Variants in PARD3B observed in about 807,000 individuals in gnomAD.
The protein encoded by PARD3B is par-3 family cell polarity regulator beta.
In PARD3B, 103 loss-of-function variants were observed where a neutral mutation model predicts 130.2. The observed-to-expected ratio is 0.79, with a 90% CI of 0.67 to 0.93. The LOEUF is 0.93. Ranked by LOEUF, PARD3B falls within the 40% of genes least tolerant of loss-of-function variation. The probability of loss-of-function intolerance (pLI) is 0.00; values close to 1 mark genes in which losing one functional copy is unlikely to be tolerated. For synonymous variants in PARD3B, 583 were observed against 553.2 expected, an observed-to-expected ratio of 1.05 and a Z score of -0.76; for missense variants, 1,609 against 1,499.2, an observed-to-expected ratio of 1.07 and a Z score of -1.21.
At chr2:205,381,190 T>C (rs1358812722) in intron 18 of PARD3B, among the ~76,000 whole-genome samples, 1 of 122,870 alleles carries the variant, frequency 8.1e-6, no homozygotes, top group Non-Finnish European at 1.6e-5. Flanking sequence ...ATAAAGAATA[T>C]ATATTATATA....
At chr2:204,839,550 C>G (rs1029157736) in intron 2 of PARD3B, among the ~76,000 whole-genome samples, 6 of 152,122 alleles carry the variant, frequency 3.9e-5, no homozygotes, top group African/African-American at 1.2e-4. Flanking sequence ...GCCATGCACT[C>G]GAAATTCTTA....
intron 1 of PARD3B, among the ~76,000 whole-genome samples, chr2:204,567,137 C>T (rs1485576527): frequency 6.6e-6 from 1 of 152,210 alleles, no homozygotes; most frequent in African/African-American, 2.4e-5. Flanking sequence ...CCCTTAGCCT[C>T]CCAAAGTGCT....
intron 15 of PARD3B, among the ~76,000 whole-genome samples, chr2:205,226,279 G>C (rs935406715): frequency 6.6e-6 from 1 of 152,056 alleles, no homozygotes; most frequent in Admixed American, 6.5e-5. Flanking sequence ...CTGATCTTGT[G>C]ATCCGCCCGC....
At chr2:205,307,710 G>C (rs547265152) in intron 18 of PARD3B, among the ~76,000 whole-genome samples, 2 of 152,120 alleles carry the variant, frequency 1.3e-5, no homozygotes, top group Non-Finnish European at 2.9e-5. Context: ...AAAACCCAGA[G>C]ATTAGTTTCT....
At chr2:205,355,312 T>C (rs1362331157) in intron 18 of PARD3B, among the ~76,000 whole-genome samples, 1 of 152,220 alleles carries the variant, frequency 6.6e-6, no homozygotes, top group Non-Finnish European at 1.5e-5. Flanking sequence ...TGCAAGTGAT[T>C]ATTCCTTCAG....
chr2:205,053,117 G>A (rs1018745356), intron 4 of PARD3B, among the ~76,000 whole-genome samples: 6 of 151,986 alleles, frequency 3.9e-5, no homozygotes, highest in African/African-American at 7.2e-5. Context: ...ATAATATGAT[G>A]ACGTGTTGAT....
At chr2:205,320,297 A>G (rs905803119) in intron 18 of PARD3B, among the ~76,000 whole-genome samples, 1 of 152,070 alleles carries the variant, frequency 6.6e-6, no homozygotes. Flanking sequence ...TATTAATTCT[A>G]AAAGAGAGGA....
At chr2:205,313,066 TA>T (rs2042445201) in intron 18 of PARD3B, among the ~76,000 whole-genome samples, 1 of 152,138 alleles carries the variant, frequency 6.6e-6, no homozygotes, top group Non-Finnish European at 1.5e-5. Context: ...CATGAGAATG[TA>T]AAAAAATGAG....
At chr2:204,920,568 C>G (rs1242487117) in intron 2 of PARD3B, among the ~76,000 whole-genome samples, 1 of 152,128 alleles carries the variant, frequency 6.6e-6, no homozygotes, top group Admixed American at 6.5e-5. Context: ...TGTGCTCACA[C>G]CAAAGAATTA....
intron 18 of PARD3B, among the ~76,000 whole-genome samples, chr2:205,381,143 TAA>T (rs2045417950): frequency 3.1e-5 from 2 of 64,840 alleles, no homozygotes; most frequent in South Asian, 1.7e-3. Context: ...AAAGAATATA[TAA>T]TATATATAAT....
intron 15 of PARD3B, among the ~76,000 whole-genome samples, chr2:205,226,534 TA>T (rs2038560974): frequency 6.6e-6 from 1 of 152,204 alleles, no homozygotes; most frequent in African/African-American, 2.4e-5. Flanking sequence ...GATTTTTTTT[TA>T]TATGGTGAGA....
chr2:205,029,410 C>T (rs924261504), intron 3 of PARD3B, among the ~76,000 whole-genome samples: 2 of 152,096 alleles, frequency 1.3e-5, no homozygotes, highest in Non-Finnish European at 2.9e-5. Flanking sequence ...GTGTCTTTCC[C>T]CTATGGGCTT....
In PARD3B at chr2:205,183,559, T is replaced by G. The variant is rs2035914733; in HGVS notation, c.1925-2205T>G. 6.6e-6 allele frequency among the ~76,000 whole-genome samples: 1 copy of G among 152,152 alleles called. No homozygotes were observed. Among genetic ancestry groups the G allele is most frequent in the Non-Finnish European group, 1.5e-5 (1 of 68,016 alleles). ...GGGCACAGTGCAGGCGCTGCCTTTG[T>G]GCTTCTTTCCCCCTGGTCACCTACT... On this transcript the variant is annotated intron_variant, in intron 13 of 22. Coordinates refer to ENST00000406610, the MANE Select transcript of PARD3B (RefSeq NM_001302769.2). The surrounding 1 kb of genome is among the most constrained non-coding windows in gnomAD (Gnocchi z 5.2).
intron 19 of PARD3B, among the ~76,000 whole-genome samples, chr2:205,403,875 T>C (rs552509159): frequency 5.4e-4 from 82 of 152,210 alleles, no homozygotes; most frequent in Non-Finnish European, 9.6e-4. Flanking sequence ...TTGTTCTTCA[T>C]GTACCTTCTC....
Position 205,426,619 on chromosome 2 carries a change from T to C in PARD3B, c.2742-13751T>C, listed in dbSNP as rs1180450150. On this transcript the variant is annotated intron_variant, in intron 19 of 22. Transcript: ENST00000406610. ...TCTCTGTTCATCTCTGACTCTGTTGTTTGGGTTCATACAGTAGCAACAAAG... is the reference window on the plus strand; with the variant it reads ...TCTCTGTTCATCTCTGACTCTGTTGCTTGGGTTCATACAGTAGCAACAAAG... Among the ~76,000 whole-genome samples the C allele has an allele frequency of 7.9e-5, 12 of 152,310 alleles. No individual in the cohort carries two copies. In the South Asian group the frequency reaches 2.5e-3, roughly 32 times the overall value.
intron 3 of PARD3B, among the ~76,000 whole-genome samples, chr2:205,034,600 A>G (rs1284088670): frequency 6.6e-6 from 1 of 152,174 alleles, no homozygotes; most frequent in South Asian, 2.1e-4. Flanking sequence ...CTAAAAAGAT[A>G]CAAAAACAGA....
chr2:205,057,533 ATATATG>A (rs1431570767), intron 4 of PARD3B, among the ~76,000 whole-genome samples: 31 of 146,388 alleles, frequency 2.1e-4, no homozygotes, highest in African/African-American at 3.5e-4. Flanking sequence ...GTATATATAC[ATATATG>A]TATATGTGTA....
chr2:204,560,935 G>T (rs1170199958), intron 1 of PARD3B, among the ~76,000 whole-genome samples: 1 of 152,000 alleles, frequency 6.6e-6, no homozygotes, highest in Non-Finnish European at 1.5e-5. Flanking sequence ...AGGCTTGGGG[G>T]TTGACTCTCA....
chr2:204,546,225 G>A, intron 1 of PARD3B, 106 bp downstream of exon 1: 1 of 1,450,038 alleles, frequency 6.9e-7, no homozygotes, highest in Non-Finnish European at 9.4e-7. Context: ...GGATTATGGG[G>A]CACTGCCTGT....
Sources: allele counts gnomAD v4.1 joint callset (sites outside exome capture counted in the v4.1 genomes callset), GRCh38; gene constraint gnomAD v4.1.1; non-coding constraint Gnocchi (gnomAD v3.1); transcripts MANE v1.5; gene names NCBI Gene and HGNC (gene_info 2026-07-23, HGNC 2026-07-21).